The following NT5DC1 variants were observed in gnomAD, a reference collection of about 807,000 sequenced individuals.
NT5DC1 encodes the protein 5'-nucleotidase domain containing 1, also known as 5'-nucleotidase domain-containing protein 1.
Under a neutral mutation model 59.4 loss-of-function variants are expected in NT5DC1, and 42 were observed. That is an observed-to-expected ratio of 0.71 (90% CI 0.55 to 0.92). The LOEUF (loss-of-function observed/expected upper bound fraction) is 0.92. Ranked by LOEUF, NT5DC1 falls within the 40% of genes least tolerant of loss-of-function variation. NT5DC1 has a pLI of 0.00. For synonymous variants in NT5DC1, 172 were observed against 188.1 expected (o/e 0.91, Z 0.70); for missense variants, 501 against 537.1 (o/e 0.93, Z 0.66).
At chr6:116,237,688 C>G in intron 9 of NT5DC1, 1 of 322,536 alleles carries the variant, frequency 3.1e-6, no homozygotes, top group South Asian at 2.7e-5. Context: ...CTCAGACTAC[C>G]TAGGGAACTT....
At chr6:116,135,442 T>C (rs1451757693) in intron 6 of NT5DC1, among the ~76,000 whole-genome samples, 1 of 151,802 alleles carries the variant, frequency 6.6e-6, no homozygotes, top group Non-Finnish European at 1.5e-5. Context: ...AACAACTCCA[T>C]GTGAGTTCTC....
At chr6:116,154,964 C>T (rs1780147474) in intron 6 of NT5DC1, among the ~76,000 whole-genome samples, 2 of 152,102 alleles carry the variant, frequency 1.3e-5, no homozygotes, top group Non-Finnish European at 1.5e-5. Context: ...CCATATACAA[C>T]CACATTGTTC....
Position 116,119,936 on chromosome 6 carries a change from G to A in NT5DC1, c.529+1991G>A, listed in dbSNP as rs746478358. The A allele has an allele frequency of 5.3e-5, 44 of 837,594 alleles. No individual in the cohort carries two copies. Among genetic ancestry groups the A allele is most frequent in the Non-Finnish European group, 8.0e-5 (41 of 510,700 alleles). 51.9% of individuals were successfully genotyped at this position (837,594 alleles called of 1,614,324 possible). The stretch of plus-strand genomic sequence containing the variant: ...CACTTTTCAGGGGGAAGGTTTGTTG[G>A]TCTGATAGCTCAAATCTGTATTTCA... On this transcript the variant is annotated intron_variant, in intron 6 of 11. Transcript: ENST00000319550.
At chr6:116,202,032 C>T (rs1348254523) in intron 6 of NT5DC1, among the ~76,000 whole-genome samples, 2 of 151,942 alleles carry the variant, frequency 1.3e-5, no homozygotes, top group Non-Finnish European at 2.9e-5. Flanking sequence ...CCAGGCTGTC[C>T]AGTGTGGTAG....
chr6:116,147,138 T>C (rs1779918906), intron 6 of NT5DC1, among the ~76,000 whole-genome samples: 1 of 151,456 alleles, frequency 6.6e-6, no homozygotes, highest in Non-Finnish European at 1.5e-5. Flanking sequence ...CAAGTAAAGT[T>C]AAAGATAAAT....
At chr6:116,206,932 A>C (rs1781464182) in intron 6 of NT5DC1, among the ~76,000 whole-genome samples, 1 of 151,990 alleles carries the variant, frequency 6.6e-6, no homozygotes, top group African/African-American at 2.4e-5. Flanking sequence ...ATTGGATTTT[A>C]AATGTTTTCT....
chr6:116,213,620 A>G (rs1350639081), intron 6 of NT5DC1, among the ~76,000 whole-genome samples: 1 of 152,154 alleles, frequency 6.6e-6, no homozygotes, highest in Non-Finnish European at 1.5e-5. Flanking sequence ...TCCACTTCAC[A>G]TCTTCTATAA....
At position 116,241,646 on chromosome 6, in the gene NT5DC1, G is replaced by A. The variant is rs146244907; in HGVS notation, c.1253-2263G>A. Among the ~76,000 whole-genome samples, 668 of 152,300 alleles carry A rather than the reference G, an allele frequency of 4.4e-3. 3 individuals are homozygous for A. The highest frequency in any genetic ancestry group is 6.6e-3 in the Non-Finnish European group (446 of 68,038). ...AATATTAAGAATCAGCAAGACGGCC[G>A]GGTGCGGTGGCTCACGCCTGTAATC... On this transcript the variant is annotated intron_variant, in intron 11 of 11. Transcript: ENST00000319550.
chr6:116,171,625 A>G (rs1274245629), intron 6 of NT5DC1, among the ~76,000 whole-genome samples: 1 of 152,142 alleles, frequency 6.6e-6, no homozygotes. Context: ...AGTGTATTCT[A>G]TATTTGACTT....
At chr6:116,166,151 T>A (rs142534202) in intron 6 of NT5DC1, among the ~76,000 whole-genome samples, 49 of 152,250 alleles carry the variant, frequency 3.2e-4, no homozygotes, top group African/African-American at 1.2e-3. Flanking sequence ...ATTCAGAGGT[T>A]CTCGGGAGTC....
At chr6:116,102,950 A>G (rs1370915799) in intron 1 of NT5DC1, among the ~76,000 whole-genome samples, 3 of 152,248 alleles carry the variant, frequency 2.0e-5, no homozygotes, top group Non-Finnish European at 4.4e-5. Flanking sequence ...ATCAGGCCTC[A>G]TCTTAAACAT....
At chr6:116,180,342 T>G (rs1303188970) in intron 6 of NT5DC1, among the ~76,000 whole-genome samples, 1 of 152,052 alleles carries the variant, frequency 6.6e-6, no homozygotes, top group African/African-American at 2.4e-5. Flanking sequence ...AACTCATTGG[T>G]GCAGGACAGT....
chr6:116,113,292 A>G (rs1778912906), intron 4 of NT5DC1, among the ~76,000 whole-genome samples: 1 of 152,174 alleles, frequency 6.6e-6, no homozygotes, highest in African/African-American at 2.4e-5. Flanking sequence ...TTGTTAACAT[A>G]AATTGTTCCT....
intron 6 of NT5DC1, among the ~76,000 whole-genome samples, chr6:116,174,193 T>C (rs1313529189): frequency 3.9e-5 from 6 of 152,200 alleles, no homozygotes; most frequent in Non-Finnish European, 5.9e-5. Flanking sequence ...TTGCCATGTT[T>C]CTCTACTGTA....
chr6:116,241,149 A>AG (rs1196348784), intron 11 of NT5DC1, among the ~76,000 whole-genome samples: 2 of 151,898 alleles, frequency 1.3e-5, no homozygotes, highest in Non-Finnish European at 2.9e-5. Flanking sequence ...CTCAAAAAAA[A>AG]AAAAAAAAAA....
In NT5DC1 at chr6:116,130,445, A is replaced by G. The variant is rs183405737; in HGVS notation, c.529+12500A>G. Among the ~76,000 whole-genome samples the G allele has an allele frequency of 6.4e-4, 93 of 145,022 alleles. 2 individuals carry two copies. The East Asian group carries it at 8.5e-3, about 13-fold the overall frequency. On this transcript the variant is annotated intron_variant, in intron 6 of 11. Coordinates refer to ENST00000319550, the MANE Select transcript of NT5DC1 (RefSeq NM_152729.3). ...CCTGAGTTCTTTTGACCATGATCCC[A>G]GTAGTTTTTTTTATAGCTTCTTTCC...
chr6:116,201,270 C>T (rs1258167656), intron 6 of NT5DC1, among the ~76,000 whole-genome samples: 1 of 151,986 alleles, frequency 6.6e-6, no homozygotes, highest in African/African-American at 2.4e-5. Flanking sequence ...TTGGCTGTAG[C>T]CATTATAACT....
At chr6:116,140,460 A>G (rs1049844296) in intron 6 of NT5DC1, among the ~76,000 whole-genome samples, 1 of 152,146 alleles carries the variant, frequency 6.6e-6, no homozygotes, top group African/African-American at 2.4e-5. Flanking sequence ...GGATATGTGT[A>G]TAGTATATAT....
At chr6:116,223,230 C>T in intron 8 of NT5DC1, 99 bp downstream of exon 8, 1 of 629,618 alleles carries the variant, frequency 1.6e-6, no homozygotes, top group Admixed American at 2.8e-5. Context: ...TCTTTCCTCT[C>T]ATGGGGAAGA....
Sources: gnomAD v4.1 joint callset for allele counts (sites outside exome capture counted in the v4.1 genomes callset) on GRCh38, gnomAD v4.1.1 for gene constraint, MANE v1.5 for transcripts, NCBI Gene and HGNC (gene_info 2026-07-23, HGNC 2026-07-21) for gene names.